The following POLE2 variants were observed in gnomAD, a reference collection of about 807,000 sequenced individuals.
POLE2 encodes the protein DNA polymerase epsilon subunit 2.
A neutral mutation model predicts 79.4 loss-of-function variants in POLE2; 56 were observed. The observed-to-expected ratio is 0.71, with a 90% CI of 0.57 to 0.88. POLE2 has a LOEUF of 0.88. Ranked by LOEUF, POLE2 falls within the 40% of genes least tolerant of loss-of-function variation. The pLI is 0.00. For synonymous variants in POLE2, 212 were observed against 214.0 expected, an observed-to-expected ratio of 0.99 and a Z score of 0.08; for missense variants, 598 against 638.9, an observed-to-expected ratio of 0.94 and a Z score of 0.69.
chr14:49,664,355 A>T (rs1594585458), intron 9 of POLE2, among the ~76,000 whole-genome samples: 1 of 150,720 alleles, frequency 6.6e-6, no homozygotes, highest in Non-Finnish European at 1.5e-5. Flanking sequence ...TCTCCAAAAA[A>T]AAAAGAAAAA....
chr14:49,649,689 T>G (rs1278462707), intron 17 of POLE2, among the ~76,000 whole-genome samples: 1 of 151,972 alleles, frequency 6.6e-6, no homozygotes, highest in Non-Finnish European at 1.5e-5. Context: ...GACCTCGTGA[T>G]CCACCCACCT....
At position 49,659,195 on chromosome 14, in the gene POLE2, T is replaced by C. The variant is rs1282172867; in HGVS notation, c.756-3352A>G. On this transcript the variant is annotated intron_variant, in intron 10 of 18. Transcript: ENST00000216367. ...ACTTTGGGAGGCTGAGGTGGGAGGA[T>C]TGCTTGAGGCCAGGAGTTCGAGACC... Among the ~76,000 whole-genome samples, 4 of 152,134 alleles carry C rather than the reference T, an allele frequency of 2.6e-5. No individual in the cohort carries two copies. The South Asian group carries it at 6.2e-4, about 24-fold the overall frequency.
At chr14:49,657,244 CA>C (rs1314515320) in intron 10 of POLE2, among the ~76,000 whole-genome samples, 1 of 151,742 alleles carries the variant, frequency 6.6e-6, no homozygotes, top group Non-Finnish European at 1.5e-5. Context: ...TGCTATAAAA[CA>C]ATATTTCACA....
In POLE2 at chr14:49,669,783, CA is replaced by C. The variant is rs45485199; in HGVS notation, c.418-186del. Among the ~76,000 whole-genome samples, 91 of 151,614 alleles carry C rather than the reference CA, an allele frequency of 6.0e-4. No homozygotes were observed. In the East Asian group the frequency reaches 0.011, roughly 18 times the overall value. On this transcript the variant is annotated intron_variant, in intron 5 of 18. Transcript: ENST00000216367. The stretch of plus-strand genomic sequence containing the variant: ...GTAATGTAAGTTTTAAAATTTAAGA[CA>C]AAAAAAATGTAAAAATTTTAAAGGT...
intron 15 of POLE2, among the ~76,000 whole-genome samples, chr14:49,652,926 G>C (rs968102385): frequency 2.6e-5 from 4 of 152,088 alleles, no homozygotes; most frequent in African/African-American, 7.2e-5. Context: ...CTGTGGTAGA[G>C]GGTTGTGGAG....
At chr14:49,677,725 G>T (rs190450742) in intron 3 of POLE2, 4 of 1,385,404 alleles carry the variant, frequency 2.9e-6, no homozygotes, top group Non-Finnish European at 3.9e-6. Flanking sequence ...TTGCTGTGCA[G>T]AACCAACTCA....
At chr14:49,654,871 G>A in intron 12 of POLE2, 33 bp from the exon 13 acceptor site, 3 of 1,465,814 alleles carry the variant, frequency 2.0e-6, no homozygotes, top group Non-Finnish European at 2.7e-6. Flanking sequence ...AATTAAATTT[G>A]CATATAATGC....
chr14:49,650,590 G>A (rs1425482320), intron 16 of POLE2, 149 bp from the exon 17 acceptor site: 1 of 458,758 alleles, frequency 2.2e-6, no homozygotes, highest in African/African-American at 2.0e-5. Context: ...AGCTTTGGGA[G>A]ACACTAATTT....
intron 2 of POLE2, chr14:49,682,004 CTTTTT>C (rs1157649284): frequency 1.5e-5 from 2 of 132,980 alleles, no homozygotes; most frequent in Non-Finnish European, 3.3e-5. Flanking sequence ...TCCACTTATT[CTTTTT>C]TTTTTTTTTT....
Position 49,651,334 on chromosome 14 carries a change from A to T in POLE2, c.1255T>A (p.Leu419Ile), listed in dbSNP as rs1884213465. 2.5e-6 allele frequency: 4 copies of T among 1,600,124 alleles called. No individual in the cohort carries two copies. The highest frequency in any genetic ancestry group is 3.4e-6 in the Non-Finnish European group (4 of 1,168,230). The change falls in exon 16 of 19, where the codon TTA (leucine) becomes ATA (isoleucine). Residue 419 changes from leucine to isoleucine, a missense_variant. Transcript: ENST00000216367. ...CAGTTTCTGCACATTTTATTTACTA[A>T]GTCTTCACGGAAGACAGTAATTTCC... ...TQEITVFRED[L>I]VNKMCRNCVR...
At chr14:49,651,453 A>G (rs1015534920) in intron 15 of POLE2, 76 bp from the exon 16 acceptor site, 15 of 611,454 alleles carry the variant, frequency 2.5e-5, no homozygotes, top group African/African-American at 9.3e-5. Flanking sequence ...ATCTCTTACA[A>G]TACAACCCCA....
chr14:49,658,942 G>C (rs1884907609), intron 10 of POLE2, among the ~76,000 whole-genome samples: 1 of 151,924 alleles, frequency 6.6e-6, no homozygotes, highest in Non-Finnish European at 1.5e-5. Flanking sequence ...CCTTCAGGAG[G>C]TCCTTCAAGA....
chr14:49,655,858 C>T lies in POLE2; in HGVS notation c.756-15G>A. On this transcript the variant is annotated splice_polypyrimidine_tract_variant and intron_variant, in intron 10 of 18. Transcript: ENST00000216367. ...CATAGTATGCCCTAGATAATTATAA[C>T]ATAATTATCTTCTATATACCACTAG... 5.6e-6 allele frequency: 7 copies of T among 1,254,300 alleles called. No homozygotes were observed. Among genetic ancestry groups the T allele is most frequent in the East Asian group, 2.3e-5 (1 of 42,918 alleles). The allele number at this position is 1,254,300 out of a possible 1,614,324, so 77.7% of individuals were successfully genotyped here. A position where few individuals can be genotyped will look rare whatever the true frequency, so the allele number is the denominator to read the frequency against.
intron 10 of POLE2, among the ~76,000 whole-genome samples, chr14:49,656,084 G>T (rs918702363): frequency 6.6e-6 from 1 of 152,082 alleles, no homozygotes; most frequent in Non-Finnish European, 1.5e-5. Context: ...GGCCGGGCAC[G>T]GTGGCTCACG....
intron 2 of POLE2, among the ~76,000 whole-genome samples, chr14:49,682,640 G>GGAAAAAAAAAA (rs1373991966): frequency 9.8e-5 from 6 of 60,980 alleles, no homozygotes; most frequent in African/African-American, 3.4e-4. Context: ...CCTTCTCAGG[G>GGAAAAAAAAAA]AAAAAAAAAA....
chr14:49,656,187 C>G (rs1054134882), intron 10 of POLE2, among the ~76,000 whole-genome samples: 7 of 151,976 alleles, frequency 4.6e-5, no homozygotes, highest in Non-Finnish European at 1.0e-4. Flanking sequence ...AACCCCATCT[C>G]TACTAACAAT....
In POLE2 at chr14:49,655,788, T is replaced by A; in HGVS notation, c.811A>T (p.Thr271Ser). ...TCTAGCTGTTTTAGTTTTGCAGAAG[T>A]CTTCACAGATGTATTAGAAGGACCT... is the stretch of plus-strand genomic sequence containing the variant. ...FGGPSNTSVK[T>S]SAKLKQLEEE... The change falls in exon 11 of 19, where the codon ACT becomes TCT. Residue 271 changes from threonine (T) to serine (S), a missense_variant. Transcript: ENST00000216367. The A allele has an allele frequency of 6.2e-7, 1 of 1,600,724 alleles. No homozygotes were observed. Among genetic ancestry groups the A allele is most frequent in the Non-Finnish European group, 8.6e-7 (1 of 1,169,184 alleles).
chr14:49,679,618 TA>T, intron 3 of POLE2, 106 bp downstream of exon 3: 1 of 609,044 alleles, frequency 1.6e-6, no homozygotes, highest in Non-Finnish European at 3.0e-6. Context: ...ATAACAACAG[TA>T]ATCACTGTAG....
intron 1 of POLE2, chr14:49,684,448 G>A (rs1886971520): frequency 6.6e-6 from 1 of 151,254 alleles, no homozygotes; most frequent in Non-Finnish European, 1.5e-5. Context: ...CTGGGCGAGA[G>A]AGCGAGACTC....
Sources: allele counts gnomAD v4.1 joint callset (sites outside exome capture counted in the v4.1 genomes callset), GRCh38; gene constraint gnomAD v4.1.1; transcripts MANE v1.5; gene names NCBI Gene and HGNC (gene_info 2026-07-23, HGNC 2026-07-21).